Variants in GFRA2 observed in about 807,000 individuals in gnomAD.
The protein encoded by GFRA2 is GDNF family receptor alpha 2, also known as GDNF family receptor alpha-2.
In GFRA2, 17 loss-of-function variants were observed where a neutral mutation model predicts 48.3. The observed-to-expected ratio is 0.35, with a 90% CI of 0.24 to 0.53. GFRA2 has a LOEUF of 0.53. Among genes scored for constraint, GFRA2 ranks in the 20% least tolerant of loss-of-function variants. The pLI, the probability that GFRA2 is intolerant of heterozygous loss-of-function variation, is 0.93. For synonymous variants in GFRA2, 305 were observed against 257.2 expected, an observed-to-expected ratio of 1.19 and a Z score of -1.78; for missense variants, 660 against 637.3, an observed-to-expected ratio of 1.04 and a Z score of -0.38.
At chr8:21,744,629 A>C (rs953790301) in intron 4 of GFRA2, among the ~76,000 whole-genome samples, 3 of 151,860 alleles carry the variant, frequency 2.0e-5, no homozygotes, top group Non-Finnish European at 4.4e-5. Context: ...TGAGAGGGTA[A>C]AAACCGAAAG....
intron 3 of GFRA2, among the ~76,000 whole-genome samples, chr8:21,765,321 G>A (rs1421744386): frequency 6.6e-6 from 1 of 151,936 alleles, no homozygotes; most frequent in African/African-American, 2.4e-5. Context: ...ATGTTGCTCA[G>A]GCTAGTCTCG....
chr8:21,750,547 C>T lies in GFRA2; in HGVS notation c.794+41G>A, dbSNP rs771673761. The T allele has an allele frequency of 4.3e-5, 50 of 1,162,132 alleles. No homozygotes were observed. The highest frequency in any genetic ancestry group is 5.1e-5 in the Non-Finnish European group (41 of 802,266). 72.0% of individuals were successfully genotyped at this position (1,162,132 alleles called of 1,614,324 possible). Reference sequence around the variant, plus strand: ...GGAAAACACAGCCTGGCAATGCAAGCGCCCTCCTGCCAGCACCACCGGGGC... The same window carrying T: ...GGAAAACACAGCCTGGCAATGCAAGTGCCCTCCTGCCAGCACCACCGGGGC... On this transcript the variant is annotated intron_variant, in intron 4 of 8. Coordinates refer to ENST00000524240, the MANE Select transcript of GFRA2 (RefSeq NM_001495.5). This position sits in a 1 kb window ranked among gnomAD's most constrained non-coding sequence, Gnocchi z 5.7.
At chr8:21,740,920 CCTCCGAAATAT>C (rs1478188472) in intron 4 of GFRA2, among the ~76,000 whole-genome samples, 1 of 152,228 alleles carries the variant, frequency 6.6e-6, no homozygotes, top group African/African-American at 2.4e-5. Context: ...ATCACTTCTA[CCTCCGAAATAT>C]CTCCAATTTA....
At chr8:21,792,228 C>T (rs955795450), upstream of GFRA2, among the ~76,000 whole-genome samples, 2 of 152,256 alleles carry the variant, frequency 1.3e-5, no homozygotes, top group African/African-American at 2.4e-5. Context: ...CCCCAACACA[C>T]GCACACATGC....
chr8:21,776,760 C>G (rs1315026670), intron 2 of GFRA2, among the ~76,000 whole-genome samples: 1 of 152,018 alleles, frequency 6.6e-6, no homozygotes, highest in African/African-American at 2.4e-5. Flanking sequence ...AGTGAGCCAC[C>G]GCGCCCAGCC....
chr8:21,739,079 T>C (rs1330490013), intron 4 of GFRA2, among the ~76,000 whole-genome samples: 2 of 152,174 alleles, frequency 1.3e-5, no homozygotes, highest in Non-Finnish European at 2.9e-5. Context: ...CCCCCATGGA[T>C]GGAGGGAAGA....
chr8:21,758,316 T>C (rs1316297168), intron 3 of GFRA2, among the ~76,000 whole-genome samples: 1 of 152,078 alleles, frequency 6.6e-6, no homozygotes, highest in African/African-American at 2.4e-5. Flanking sequence ...CCTTCAACTG[T>C]TTCATCCCCC....
At chr8:21,763,990 CACACACACACACACACACA>C (rs1363025401) in intron 3 of GFRA2, among the ~76,000 whole-genome samples, 2 of 146,586 alleles carry the variant, frequency 1.4e-5, no homozygotes, top group Admixed American at 6.7e-5. Flanking sequence ...CACACACACA[CACACACACACACACACACA>C]CCAGCTGACT....
chr8:21,802,161 G>T (rs368091481), intron 2 of GFRA2, among the ~76,000 whole-genome samples: 1 of 152,216 alleles, frequency 6.6e-6, no homozygotes, highest in African/African-American at 2.4e-5. Flanking sequence ...CTCAGGAGAC[G>T]GGGCTCACCC....
At chr8:21,777,153 C>A (rs1320872612) in intron 2 of GFRA2, among the ~76,000 whole-genome samples, 3 of 152,174 alleles carry the variant, frequency 2.0e-5, no homozygotes, top group African/African-American at 7.2e-5. Context: ...ACACAGCTAA[C>A]AAGCGACAGA....
chr8:21,762,218 G>T (rs1027349560), intron 3 of GFRA2, among the ~76,000 whole-genome samples: 1 of 152,066 alleles, frequency 6.6e-6, no homozygotes, highest in African/African-American at 2.4e-5. Context: ...TCACCACCAG[G>T]AGTGGGGGCC....
chr8:21,784,280 T>C (rs1807158775), intron 1 of GFRA2: 2 of 455,742 alleles, frequency 4.4e-6, no homozygotes, highest in East Asian at 1.4e-4. Flanking sequence ...AGCCCCTAAC[T>C]CGAGATCCTG....
rs554380377 is a variant in GFRA2 at position 21,765,302 on chromosome 8, G to C, written c.439+9670C>G. On this transcript the variant is annotated intron_variant, in intron 3 of 8. Coordinates refer to ENST00000524240, the MANE Select transcript of GFRA2 (RefSeq NM_001495.5). ...GTTTTTGTGTATTTTGTAGAGGTGG[G>C]GTTTTGCTATGTTGCTCAGGCTAGT... Among the ~76,000 whole-genome samples, 378 of 151,936 alleles carry C rather than the reference G, an allele frequency of 2.5e-3. 1 individual carries two copies. Among genetic ancestry groups the C allele is most frequent in the African/African-American group, 8.9e-3 (367 of 41,402 alleles).
intron 4 of GFRA2, among the ~76,000 whole-genome samples, chr8:21,733,036 T>C (rs1291512977): frequency 1.3e-5 from 2 of 152,126 alleles, no homozygotes; most frequent in African/African-American, 2.4e-5. Context: ...AGGAGAGCCT[T>C]GGGCTGTGAG....
rs901750852 is a variant in GFRA2 at position 21,796,322 on chromosome 8, G to A, written c.-35-8128C>T. Reference sequence around the variant, plus strand: ...GACACTGGCCATCTGCCAGGTACCCGAGGTCAAGGCAGAATCAAGGAAGAG... The same window carrying A: ...GACACTGGCCATCTGCCAGGTACCCAAGGTCAAGGCAGAATCAAGGAAGAG... On this transcript the variant is annotated intron_variant, in intron 2 of 10. Transcript: ENST00000517328. Among the ~76,000 whole-genome samples the A allele has an allele frequency of 2.3e-4, 35 of 152,342 alleles. 1 individual carries two copies. Among genetic ancestry groups the A allele is most frequent in the Admixed American group, 3.9e-4 (6 of 15,312 alleles).
rs765945955 is a variant in GFRA2, at chr8:21,705,921, G to T, written c.904+11C>A. Reference sequence around the variant, plus strand: ...GGACCCACAGAGCCCAGGTGAGCAGGAAGAGCTTACCAATCATGCCAGCAT... The same window carrying T: ...GGACCCACAGAGCCCAGGTGAGCAGTAAGAGCTTACCAATCATGCCAGCAT... On this transcript the variant is annotated intron_variant, in intron 5 of 8. Coordinates refer to ENST00000524240, the MANE Select transcript of GFRA2 (RefSeq NM_001495.5). 1.1e-5 allele frequency: 17 copies of T among 1,521,182 alleles called. No individual in the cohort carries two copies. Among genetic ancestry groups the T allele is most frequent in the Non-Finnish European group, 1.4e-5 (16 of 1,118,056 alleles). 94.2% of individuals were successfully genotyped at this position (1,521,182 alleles called of 1,614,324 possible).
intron 4 of GFRA2, among the ~76,000 whole-genome samples, chr8:21,714,092 A>C (rs1172255117): frequency 6.6e-6 from 1 of 152,102 alleles, no homozygotes; most frequent in East Asian, 1.9e-4. Flanking sequence ...CACCAACAGG[A>C]AGTATACAGG....
intron 4 of GFRA2, among the ~76,000 whole-genome samples, chr8:21,738,405 A>G (rs989477289): frequency 6.6e-6 from 1 of 150,968 alleles, no homozygotes; most frequent in African/African-American, 2.4e-5. Context: ...CCTTGGTCCT[A>G]TCTCAGACTC....
At chr8:21,754,116 C>G (rs569862443) in intron 3 of GFRA2, among the ~76,000 whole-genome samples, 1 of 152,334 alleles carries the variant, frequency 6.6e-6, no homozygotes, top group East Asian at 1.9e-4. Flanking sequence ...ACCCCTACTC[C>G]GACCTATTTT....
Sources: allele counts gnomAD v4.1 joint callset (sites outside exome capture counted in the v4.1 genomes callset), GRCh38; gene constraint gnomAD v4.1.1; non-coding constraint Gnocchi (gnomAD v3.1); transcripts MANE v1.5; gene names NCBI Gene and HGNC (gene_info 2026-07-23, HGNC 2026-07-21).